The following HPSE2 variants were observed in gnomAD, a reference collection of about 807,000 sequenced individuals.
HPSE2 encodes the protein inactive heparanase-2.
Under a neutral mutation model 60.5 loss-of-function variants are expected in HPSE2, and 38 were observed. That is an observed-to-expected ratio of 0.63 (90% CI 0.48 to 0.82). HPSE2 has a LOEUF of 0.82. Ranked by LOEUF, HPSE2 falls within the 40% of genes least tolerant of loss-of-function variation. The probability of loss-of-function intolerance (pLI) is 0.00; values close to 1 mark genes in which losing one functional copy is unlikely to be tolerated. For synonymous variants in HPSE2, 295 were observed against 293.2 expected, an observed-to-expected ratio of 1.01 and a Z score of -0.06; for missense variants, 713 against 740.4, an observed-to-expected ratio of 0.96 and a Z score of 0.43.
chr10:98,768,640 A>G (rs148681836), intron 3 of HPSE2, among the ~76,000 whole-genome samples: 481 of 152,332 alleles, frequency 3.2e-3, no homozygotes, highest in Middle Eastern at 6.8e-3. Context: ...ATTATAGTCC[A>G]CATATATAAA....
At chr10:98,939,333 A>T (rs1954914504) in intron 3 of HPSE2, among the ~76,000 whole-genome samples, 1 of 143,726 alleles carries the variant, frequency 7.0e-6, no homozygotes, top group South Asian at 2.1e-4. Context: ...GTATTCAGGA[A>T]ATCCATCTCA....
intron 6 of HPSE2, among the ~76,000 whole-genome samples, chr10:98,645,054 A>C (rs1565044074): frequency 6.6e-6 from 1 of 152,160 alleles, no homozygotes; most frequent in African/African-American, 2.4e-5. Context: ...TGAAGGAAGA[A>C]CAAATAAAGC....
At chr10:98,795,052 G>GAAGGAAGA (rs1950747590) in intron 3 of HPSE2, among the ~76,000 whole-genome samples, 2 of 148,460 alleles carry the variant, frequency 1.3e-5, no homozygotes, top group Non-Finnish European at 3.0e-5. Context: ...AGGAAGGAAG[G>GAAGGAAGA]AAGGAAGGAA....
At chr10:98,770,101 G>A (rs1408205558) in intron 3 of HPSE2, among the ~76,000 whole-genome samples, 1 of 152,086 alleles carries the variant, frequency 6.6e-6, no homozygotes, top group Non-Finnish European at 1.5e-5. Flanking sequence ...AAGTGGCCTT[G>A]CATGGCTAGA....
chr10:99,177,028 A>T (rs906867575), intron 2 of HPSE2, among the ~76,000 whole-genome samples: 10 of 152,210 alleles, frequency 6.6e-5, no homozygotes, highest in African/African-American at 2.4e-4. Flanking sequence ...ACTAAGCTGC[A>T]GAAGTGAAGA....
intron 3 of HPSE2, among the ~76,000 whole-genome samples, chr10:99,053,551 C>T (rs1016885785): frequency 6.6e-6 from 1 of 151,986 alleles, no homozygotes; most frequent in Non-Finnish European, 1.5e-5. Flanking sequence ...ACCAGCCCTC[C>T]TGACATAAGC....
chr10:99,036,057 A>AT (rs1025640396), intron 3 of HPSE2, among the ~76,000 whole-genome samples: 3 of 151,612 alleles, frequency 2.0e-5, no homozygotes, highest in East Asian at 2.0e-4. Context: ...CAAAAAAAAA[A>AT]TTTTTTTTTA....
At chr10:99,231,523 C>T (rs973247520) in intron 2 of HPSE2, among the ~76,000 whole-genome samples, 1 of 152,094 alleles carries the variant, frequency 6.6e-6, no homozygotes, top group African/African-American at 2.4e-5. Flanking sequence ...ACCTTCTAAA[C>T]AAAAAATTTT....
intron 3 of HPSE2, among the ~76,000 whole-genome samples, chr10:98,888,098 G>A (rs1403946566): frequency 6.7e-6 from 1 of 149,068 alleles, no homozygotes; most frequent in Non-Finnish European, 1.5e-5. Flanking sequence ...TTGAGGGGAT[G>A]AATACCACAC....
chr10:98,802,328 T>C (rs1380286719), intron 3 of HPSE2, among the ~76,000 whole-genome samples: 4 of 151,022 alleles, frequency 2.6e-5, no homozygotes, highest in African/African-American at 9.8e-5. Context: ...TTTTTTAAAA[T>C]TATTATTGTA....
intron 2 of HPSE2, among the ~76,000 whole-genome samples, chr10:99,179,159 T>C (rs1847654915): frequency 6.6e-6 from 1 of 152,144 alleles, no homozygotes; most frequent in African/African-American, 2.4e-5. Context: ...TCACAACCAA[T>C]ATCATACTGA....
intron 9 of HPSE2, among the ~76,000 whole-genome samples, chr10:98,518,247 GT>G (rs1942667310): frequency 6.6e-6 from 1 of 152,192 alleles, no homozygotes; most frequent in Non-Finnish European, 1.5e-5. Flanking sequence ...TGGTGCAGAG[GT>G]TTTGTTTCAT....
chr10:98,618,015 C>T (rs1019356316), intron 8 of HPSE2, among the ~76,000 whole-genome samples: 1 of 152,112 alleles, frequency 6.6e-6, no homozygotes, highest in Non-Finnish European at 1.5e-5. Flanking sequence ...CCTCCTACAG[C>T]TTCCTAGAAT....
At chr10:98,820,386 T>A (rs1951397586) in intron 3 of HPSE2, among the ~76,000 whole-genome samples, 1 of 152,196 alleles carries the variant, frequency 6.6e-6, no homozygotes, top group South Asian at 2.1e-4. Context: ...GGACTTCTCT[T>A]GGATCCTGAC....
At chr10:98,602,232 C>T (rs931272448) in intron 9 of HPSE2, among the ~76,000 whole-genome samples, 2 of 152,054 alleles carry the variant, frequency 1.3e-5, no homozygotes, top group Non-Finnish European at 2.9e-5. Context: ...GTCACTTTCC[C>T]AAGGAGGGTG....
intron 3 of HPSE2, among the ~76,000 whole-genome samples, chr10:98,807,158 A>T (rs986158090): frequency 2.6e-5 from 4 of 152,188 alleles, no homozygotes; most frequent in Non-Finnish European, 5.9e-5. Flanking sequence ...TTAAAAAAAT[A>T]ATAATAATAT....
intron 3 of HPSE2, among the ~76,000 whole-genome samples, chr10:98,928,753 C>T (rs1468929063): frequency 1.5e-5 from 2 of 132,668 alleles, no homozygotes; most frequent in Admixed American, 1.5e-4. Flanking sequence ...AAACCAAACA[C>T]CGCATATTCT....
At chr10:98,885,237 T>C (rs1481831605) in intron 3 of HPSE2, among the ~76,000 whole-genome samples, 2 of 152,128 alleles carry the variant, frequency 1.3e-5, no homozygotes, top group African/African-American at 4.8e-5. Context: ...TGTGACTGAA[T>C]TGCAACAACC....
At position 98,713,499 on chromosome 10, in the gene HPSE2, G is replaced by A. The variant is rs975438316; in HGVS notation, c.956+8158C>T. 1.1e-4 allele frequency among the ~76,000 whole-genome samples: 16 copies of A among 151,336 alleles called. No homozygotes were observed. The Admixed American group carries it at 1.1e-3, about 10-fold the overall frequency. On this transcript the variant is annotated intron_variant, in intron 5 of 11. Coordinates refer to ENST00000370552, the MANE Select transcript of HPSE2 (RefSeq NM_021828.5). Reference sequence around the variant, plus strand: ...CCCACCGAAACCAGAGTGCATATTCGAAGTCAATGTGATCCAAACATGTTA... The same window carrying A: ...CCCACCGAAACCAGAGTGCATATTCAAAGTCAATGTGATCCAAACATGTTA...
Sources: gnomAD v4.1 joint callset for allele counts (sites outside exome capture counted in the v4.1 genomes callset) on GRCh38, gnomAD v4.1.1 for gene constraint, MANE v1.5 for transcripts, NCBI Gene and HGNC (gene_info 2026-07-23, HGNC 2026-07-21) for gene names.